RASEF: variants seen among roughly 807,000 people sequenced by gnomAD.
The protein encoded by RASEF is ras and EF-hand domain-containing protein.
RASEF carries 68 observed loss-of-function variants against 90.1 expected under a neutral mutation model. The observed-to-expected ratio is 0.75, with a 90% confidence interval of 0.62 to 0.92. The LOEUF is 0.92. RASEF is among the 40% of genes least tolerant of loss of function. RASEF has a pLI of 0.00. For missense variants in RASEF, 949 were observed against 937.2 expected (o/e 1.01, Z -0.16); for synonymous variants, 331 against 345.2 (o/e 0.96, Z 0.46).
At chr9:83,100,160 C>T in the RASEF span, among the ~76,000 whole-genome samples, 1 of 152,164 alleles carries the variant, frequency 6.6e-6, no homozygotes, top group Non-Finnish European at 1.5e-5. Context: ...TTGTGAAAGA[C>T]TTTCCCAAAT....
At chr9:83,192,402 G>C in the RASEF span, among the ~76,000 whole-genome samples, 79 of 152,262 alleles carry the variant, frequency 5.2e-4, no homozygotes, top group East Asian at 0.014. Context: ...TATGCCCTTT[G>C]CAAGAACATG....
chr9:83,062,976 T>C lies in RASEF; in HGVS notation c.-109A>G. ...CGCCGGGAGGCCCGGCGAGTTTGGC[T>C]CGTCCGGCTGGTTCGGCCACTTGAG... is the stretch of plus-strand genomic sequence containing the variant. On this transcript the variant is annotated 5_prime_UTR_variant, in exon 1 of 17. Coordinates refer to ENST00000376447, the MANE Select transcript of RASEF (RefSeq NM_152573.4). 2 of 1,217,264 alleles carry C rather than the reference T, an allele frequency of 1.6e-6. No individual in the cohort carries two copies. Among genetic ancestry groups the C allele is most frequent in the Non-Finnish European group, 1.1e-6 (1 of 935,538 alleles). 75.4% of individuals were successfully genotyped at this position (1,217,264 alleles called of 1,614,324 possible).
the RASEF span, among the ~76,000 whole-genome samples, chr9:83,135,000 A>C: frequency 2.0e-5 from 3 of 152,176 alleles, 1 homozygote; most frequent in Non-Finnish European, 4.4e-5. Flanking sequence ...AAGGCCACAT[A>C]CTGTATGATT....
the RASEF span, among the ~76,000 whole-genome samples, chr9:83,216,938 A>C: frequency 1.3e-5 from 2 of 152,128 alleles, no homozygotes; most frequent in African/African-American, 4.8e-5. Context: ...TGCTGCAAAC[A>C]CTCAACACCA....
intron 10 of RASEF, 44 bp from the exon 11 acceptor site, chr9:83,000,614 CA>C: frequency 1.9e-6 from 3 of 1,544,948 alleles, no homozygotes; most frequent in South Asian, 1.2e-5. Context: ...AAAATGTCAG[CA>C]GTTAAAATAC....
At chr9:83,076,300 G>A in the RASEF span, among the ~76,000 whole-genome samples, 2 of 151,838 alleles carry the variant, frequency 1.3e-5, no homozygotes, top group Non-Finnish European at 2.9e-5. Context: ...AATGAACCAG[G>A]ACACTAATTT....
intron 5 of RASEF, among the ~76,000 whole-genome samples, chr9:83,010,758 C>A (rs1314493577): frequency 6.6e-6 from 1 of 152,110 alleles, no homozygotes; most frequent in Non-Finnish European, 1.5e-5. Flanking sequence ...CCACTCACAC[C>A]GGTAACTGGG....
chr9:83,067,917 G>A (rs887626890), upstream of RASEF, among the ~76,000 whole-genome samples: 10 of 152,166 alleles, frequency 6.6e-5, no homozygotes, highest in African/African-American at 1.2e-4. Flanking sequence ...TCACTTTCTC[G>A]TAGGCTGGAG....
the RASEF span, among the ~76,000 whole-genome samples, chr9:83,203,389 C>T: frequency 6.6e-6 from 1 of 152,076 alleles, no homozygotes; most frequent in African/African-American, 2.4e-5. Flanking sequence ...AATTCTCCTG[C>T]CTCAGCCTCC....
the RASEF span, among the ~76,000 whole-genome samples, chr9:83,176,510 T>C: frequency 1.3e-5 from 2 of 152,122 alleles, no homozygotes; most frequent in South Asian, 4.1e-4. Context: ...ATTTCTCTTT[T>C]GTTCCTCTAT....
chr9:83,144,313 A>AAGAC, the RASEF span, among the ~76,000 whole-genome samples: 3 of 119,862 alleles, frequency 2.5e-5, 1 homozygote, highest in African/African-American at 1.0e-4. Flanking sequence ...CTGACACTAA[A>AAGAC]AGAAAGAAAG....
intron 12 of RASEF, 28 bp downstream of exon 12, chr9:83,000,141 C>A: frequency 6.2e-7 from 1 of 1,602,800 alleles, no homozygotes; most frequent in Non-Finnish European, 8.5e-7. Flanking sequence ...GGTCATTTTC[C>A]CATTATCAAC....
the RASEF span, among the ~76,000 whole-genome samples, chr9:83,161,515 T>A: frequency 6.6e-6 from 1 of 152,110 alleles, no homozygotes. Context: ...AATAACTAAC[T>A]TGCTTTTTAT....
intron 9 of RASEF, among the ~76,000 whole-genome samples, chr9:83,003,465 C>G (rs1384124800): frequency 5.3e-5 from 8 of 152,142 alleles, no homozygotes; most frequent in Admixed American, 3.9e-4. Flanking sequence ...ACCTTTCCCC[C>G]CAATTTGCTT....
At chr9:83,018,265 T>C (rs917166250) in intron 3 of RASEF, among the ~76,000 whole-genome samples, 2 of 152,188 alleles carry the variant, frequency 1.3e-5, no homozygotes, top group Non-Finnish European at 2.9e-5. Flanking sequence ...ATATAAACAA[T>C]GTAAGCAATG....
At chr9:83,006,307 T>C (rs1483074098) in intron 7 of RASEF, among the ~76,000 whole-genome samples, 1 of 152,232 alleles carries the variant, frequency 6.6e-6, no homozygotes, top group Non-Finnish European at 1.5e-5. Flanking sequence ...TTCTGTCTTC[T>C]TCCCCTAAAC....
At chr9:83,075,985 C>G in the RASEF span, among the ~76,000 whole-genome samples, 1 of 151,828 alleles carries the variant, frequency 6.6e-6, no homozygotes, top group South Asian at 2.1e-4. Flanking sequence ...CTGGCCACCA[C>G]AGTGAAACCC....
At chr9:83,129,739 T>G in the RASEF span, among the ~76,000 whole-genome samples, 1 of 152,166 alleles carries the variant, frequency 6.6e-6, no homozygotes, top group African/African-American at 2.4e-5. Context: ...AATACCTTCC[T>G]CCTCAAATCC....
intron 2 of RASEF, among the ~76,000 whole-genome samples, chr9:83,022,930 T>A (rs1368180009): frequency 1.3e-5 from 2 of 152,310 alleles, no homozygotes; most frequent in East Asian, 3.9e-4. Context: ...AGGTAATCCT[T>A]TATTGACCAA....
Sources: allele counts gnomAD v4.1 joint callset (sites outside exome capture counted in the v4.1 genomes callset), GRCh38; gene constraint gnomAD v4.1.1; transcripts MANE v1.5; gene names NCBI Gene and HGNC (gene_info 2026-07-23, HGNC 2026-07-21).